The following AHNAK2 variants were observed in gnomAD, a reference collection of about 807,000 sequenced individuals.
The protein encoded by AHNAK2 is protein AHNAK2.
In AHNAK2, 18 loss-of-function variants were observed where a neutral mutation model predicts 30.7. The ratio of observed to expected loss-of-function variants is 0.59; its 90% CI spans 0.41 to 0.87. The LOEUF (loss-of-function observed/expected upper bound fraction) is 0.87. Among genes scored for constraint, AHNAK2 ranks in the 40% least tolerant of loss-of-function variants. The pLI, the probability that AHNAK2 is intolerant of heterozygous loss-of-function variation, is 0.00. For missense variants in AHNAK2, 8,604 were observed against 7,373.0 expected (o/e 1.17, Z -6.11); for synonymous variants, 3,590 against 3,073.8 (o/e 1.17, Z -5.56).
In AHNAK2 at chr14:104,946,973, C is replaced by G; in HGVS notation, c.8478G>C (p.Ser2826=). The G allele has an allele frequency of 6.2e-7, 1 of 1,607,464 alleles. No individual in the cohort carries two copies. The highest frequency in any genetic ancestry group is 8.5e-7 in the Non-Finnish European group (1 of 1,177,694). ...PKFKMPSFGV[S]APGKSIEASV... ...AGGCCTCGATGGACTTGCCTGGGGC[C>G]GACACCCCGAATGACGGCATCTTGA... Residue 2826 remains serine (S), a synonymous_variant, in exon 7 of 7, where the codon TCG becomes TCC. Coordinates refer to ENST00000333244, the MANE Select transcript of AHNAK2 (RefSeq NM_138420.4).
rs781724920 is a variant in AHNAK2 at position 104,941,743 on chromosome 14, C to T, written c.13708G>A (p.Gly4570Ser). The change falls in exon 7 of 7, where the codon GGC (glycine) becomes AGC (serine). Residue 4570 changes from glycine (G) to serine (S), a missense_variant. Gly to Ser is a moderately conservative substitution (Grantham distance 56). Coordinates refer to ENST00000333244, the MANE Select transcript of AHNAK2 (RefSeq NM_138420.4). Reference protein sequence around the residue: ...DLKGPQVDVKGPKLDLKGPKA... With the variant: ...DLKGPQVDVKSPKLDLKGPKA... ...GGGCCTTTCAGGTCCAGCTTGGGGC[C>T]CTTGACGTCCACCTGGGGGCCCTTG... is the stretch of plus-strand genomic sequence containing the variant. 71 of 1,613,642 alleles carry T rather than the reference C, an allele frequency of 4.4e-5. No individual in the cohort carries two copies. The highest frequency in any genetic ancestry group is 5.8e-5 in the Non-Finnish European group (68 of 1,179,866).
chr14:104,961,331 A>G (rs186344496), intron 1 of AHNAK2, among the ~76,000 whole-genome samples: 3,153 of 152,012 alleles, frequency 0.021, 41 homozygotes, highest in Middle Eastern at 0.045. Flanking sequence ...TGGCTAACAC[A>G]GTGAAACCCC....
In AHNAK2 at chr14:104,951,264, A is replaced by T; in HGVS notation, c.4187T>A (p.Leu1396His). 1 of 1,059,984 alleles carries T rather than the reference A, an allele frequency of 9.4e-7. No homozygotes were observed. Among genetic ancestry groups the T allele is most frequent in the Admixed American group, 2.2e-5 (1 of 46,424 alleles). 65.7% of individuals were successfully genotyped at this position (1,059,984 alleles called of 1,614,324 possible). A position where few individuals can be genotyped will look rare whatever the true frequency, so the allele number is the denominator to read the frequency against. The part of the protein sequence containing the change: ...ELQAGQLDVK[L>H]PEGPVPEGAG... ...TCCCTCGGGCACGGGGCCCTCTGGGAGTTTCACGTCCAATTGGCCAGCCTG... is the reference window on the plus strand; with the variant it reads ...TCCCTCGGGCACGGGGCCCTCTGGGTGTTTCACGTCCAATTGGCCAGCCTG... The change falls in exon 7 of 7, where the codon CTC becomes CAC. Residue 1396 changes from leucine (L) to histidine (H), a missense_variant. Physicochemically the swap from Leu to His is moderately conservative, Grantham distance 99. Coordinates refer to ENST00000333244, the MANE Select transcript of AHNAK2 (RefSeq NM_138420.4).
At chr14:104,970,460 G>A in intron 1 of AHNAK2, 1 of 985,484 alleles carries the variant, frequency 1.0e-6, no homozygotes, top group Non-Finnish European at 1.2e-6. Context: ...ACTTACCAAG[G>A]AAGCTACAGA....
Position 104,940,706 on chromosome 14 carries a change from G to A in AHNAK2, c.14745C>T (p.Gly4915=), listed in dbSNP as rs546249437. The change falls in exon 7 of 7, where the codon GGC becomes GGT. Residue 4915 remains glycine, a synonymous_variant. Coordinates refer to ENST00000333244, the MANE Select transcript of AHNAK2 (RefSeq NM_138420.4). The surrounding 1 kb of genome is among the most constrained non-coding windows in gnomAD (Gnocchi z 4.4). ...CTTCTGGGCCCTGAGACACACAGGTGCCTGGGGATGGCAGCTGGGTGCTTG... is the reference window on the plus strand; with the variant it reads ...CTTCTGGGCCCTGAGACACACAGGTACCTGGGGATGGCAGCTGGGTGCTTG... ...PLPSTQLPSP[G]TCVSQGPEEL... The A allele has an allele frequency of 6.2e-7, 1 of 1,613,040 alleles. No homozygotes were observed. Among genetic ancestry groups the A allele is most frequent in the South Asian group, 1.1e-5 (1 of 91,076 alleles).
chr14:104,955,328 T>C (rs1898939492), intron 5 of AHNAK2, 155 bp downstream of exon 5: 3 of 1,302,330 alleles, frequency 2.3e-6, no homozygotes, highest in South Asian at 3.0e-5. Context: ...TTTTACTAGA[T>C]GCAGTGGGTG....
Position 104,945,008 on chromosome 14 carries a change from G to T in AHNAK2, c.10443C>A (p.Pro3481=), listed in dbSNP as rs147845524. ...TGCCTGGGGCCGACACCCCGAAGGA[G>T]GGCATCTTGAACTTGGGCATTTTGA... The part of the protein sequence containing the change: ...SKFKMPKFKM[P]SFGVSAPGRS... Residue 3481 remains proline (P), a synonymous_variant, in exon 7 of 7, where the codon CCC becomes CCA. Coordinates refer to ENST00000333244, the MANE Select transcript of AHNAK2 (RefSeq NM_138420.4). 2,447 of 1,600,236 alleles carry T rather than the reference G, an allele frequency of 1.5e-3. 10 individuals are homozygous for T. The highest frequency in any genetic ancestry group is 9.7e-3 in the African/African-American group (707 of 73,090).
chr14:104,951,301 C>A lies in AHNAK2; in HGVS notation c.4150G>T (p.Asp1384Tyr), dbSNP rs1397134321. 1 of 1,061,586 alleles carries A rather than the reference C, an allele frequency of 9.4e-7. No individual in the cohort carries two copies. The highest frequency in any genetic ancestry group is 1.4e-5 in the African/African-American group (1 of 68,990). 65.8% of individuals were successfully genotyped at this position (1,061,586 alleles called of 1,614,324 possible). The change falls in exon 7 of 7, where the codon GAC becomes TAC. Residue 1384 changes from aspartate (D) to tyrosine (Y), a missense_variant. Coordinates refer to ENST00000333244, the MANE Select transcript of AHNAK2 (RefSeq NM_138420.4). ...AATTGGCCAGCCTGGAGCTCCAGGT[C>A]AGTGGAAGGGGGCTGAATGCTGAGG... ...TDLSIQPPST[D>Y]LELQAGQLDV...
chr14:104,942,996 A>G lies in AHNAK2; in HGVS notation c.12455T>C (p.Met4152Thr), dbSNP rs757406405. ...SFGVSAPGKS[M>T]EASVDVSELK... ...CTCAGACACATCCACGGACGCCTCC[A>G]TGGACTTGCCTGGGGCCGACACCCC... Residue 4152 changes from methionine (M) to threonine (T), a missense_variant, in exon 7 of 7, where the codon ATG becomes ACG. Met to Thr is a moderately conservative substitution (Grantham distance 81). Coordinates refer to ENST00000333244, the MANE Select transcript of AHNAK2 (RefSeq NM_138420.4). 5.0e-6 allele frequency: 8 copies of G among 1,613,230 alleles called. No homozygotes were observed. In the East Asian group the frequency reaches 1.1e-4, roughly 23 times the overall value.
chr14:104,968,404 C>T (rs949724855), intron 1 of AHNAK2, among the ~76,000 whole-genome samples: 1 of 151,930 alleles, frequency 6.6e-6, no homozygotes, highest in African/African-American at 2.4e-5. Context: ...GGCCGGGAGG[C>T]GGGGAGGGGC....
chr14:104,948,790 G>A lies in AHNAK2; in HGVS notation c.6661C>T (p.Leu2221Phe), dbSNP rs780147609. The A allele has an allele frequency of 2.5e-6, 4 of 1,612,466 alleles. No individual in the cohort carries two copies. In the Admixed American group the frequency reaches 5.0e-5, roughly 20 times the overall value. ...TCCTCGGGCACAGGGCCCTCCAGGAGTTTCACGTCCACCTGGCCAGCCTGG... is the reference window on the plus strand; with the variant it reads ...TCCTCGGGCACAGGGCCCTCCAGGAATTTCACGTCCACCTGGCCAGCCTGG... ...KVQAGQVDVK[L>F]LEGPVPEEVG... Residue 2221 changes from leucine (L) to phenylalanine (F), a missense_variant, in exon 7 of 7, where the codon CTC becomes TTC. Coordinates refer to ENST00000333244, the MANE Select transcript of AHNAK2 (RefSeq NM_138420.4).
intron 1 of AHNAK2, among the ~76,000 whole-genome samples, chr14:104,968,565 G>A (rs1004212644): frequency 6.6e-6 from 1 of 152,218 alleles, no homozygotes; most frequent in African/African-American, 2.4e-5. Flanking sequence ...GTGGGGGGAG[G>A]AGGTGGATTT....
At chr14:104,977,252 G>A (rs1267634034) in intron 1 of AHNAK2, among the ~76,000 whole-genome samples, 1 of 152,218 alleles carries the variant, frequency 6.6e-6, no homozygotes, top group Non-Finnish European at 1.5e-5. Context: ...GCCAGTGGCT[G>A]CCAATGCCCT....
chr14:104,946,780 C>T lies in AHNAK2; in HGVS notation c.8671G>A (p.Gly2891Ser), dbSNP rs768414986. The change falls in exon 7 of 7, where the codon GGC becomes AGC. Residue 2891 changes from glycine (G) to serine (S), a missense_variant. Coordinates refer to ENST00000333244, the MANE Select transcript of AHNAK2 (RefSeq NM_138420.4). Reference protein sequence around the residue: ...LPEGHVPEGAGLKGHLPKVQM... With the variant: ...LPEGHVPEGASLKGHLPKVQM... ...ACCTTGGGCAGGTGCCCTTTGAGGC[C>T]GGCTCCCTCGGGAACGTGGCCCTCT... is the stretch of plus-strand genomic sequence containing the variant. 5.6e-6 allele frequency: 9 copies of T among 1,612,774 alleles called. No individual in the cohort carries two copies. Among genetic ancestry groups the T allele is most frequent in the Admixed American group, 5.0e-5 (3 of 59,930 alleles).
Position 104,938,555 on chromosome 14 carries a change from A to G in AHNAK2, c.16896T>C (p.Ala5632=), listed in dbSNP as rs755636430. 31 of 1,613,214 alleles carry G rather than the reference A, an allele frequency of 1.9e-5. No homozygotes were observed. The highest frequency in any genetic ancestry group is 2.5e-5 in the Non-Finnish European group (30 of 1,179,776). The change falls in exon 7 of 7, where the codon GCT becomes GCC. Residue 5632 remains alanine, a synonymous_variant. Transcript: ENST00000333244. ...ATTPLADEGR[A]PKDKPESKKS... ...TTTTACTTTCTGGTTTGTCTTTTGG[A>G]GCCCTGCCTTCATCTGCCAGTGGTG...
Position 104,950,212 on chromosome 14 carries a change from G to T in AHNAK2, c.5239C>A (p.Pro1747Thr). The T allele has an allele frequency of 6.3e-7, 1 of 1,585,794 alleles. No individual in the cohort carries two copies. Among genetic ancestry groups the T allele is most frequent in the Non-Finnish European group, 8.6e-7 (1 of 1,162,754 alleles). ...GCCACTTTGGGCATCTTCAAACTGG[G>T]CATCTGCACCTTGGGGAGGTGCCCT... Reference protein sequence around the residue: ...FKGHLPKVQMPSLKMPKVALK... With the variant: ...FKGHLPKVQMTSLKMPKVALK... The change falls in exon 7 of 7, where the codon CCC (proline) becomes ACC (threonine). Residue 1747 changes from proline (P) to threonine (T), a missense_variant. Physicochemically the swap from Pro to Thr is conservative, Grantham distance 38. Transcript: ENST00000333244.
Position 104,947,252 on chromosome 14 carries a change from C to T in AHNAK2, c.8199G>A (p.Lys2733=), listed in dbSNP as rs573895492. ...EGAGLKGHLP[K]LQMPSFKMPE... ...GCATCTTGAAACTGGGCATCTGCAG[C>T]TTGGGCAGGTGCCCTTTGAGGCCGG... The change falls in exon 7 of 7, where the codon AAG becomes AAA. Residue 2733 remains lysine, a synonymous_variant. Coordinates refer to ENST00000333244, the MANE Select transcript of AHNAK2 (RefSeq NM_138420.4). 14 of 1,611,812 alleles carry T rather than the reference C, an allele frequency of 8.7e-6. No individual in the cohort carries two copies. The highest frequency in any genetic ancestry group is 6.6e-5 in the South Asian group (6 of 91,006).
Position 104,946,803 on chromosome 14 carries a change from T to A in AHNAK2, c.8648A>T (p.Glu2883Val). 6.2e-7 allele frequency: 1 copy of A among 1,612,522 alleles called. No homozygotes were observed. Among genetic ancestry groups the A allele is most frequent in the African/African-American group, 1.3e-5 (1 of 74,566 alleles). The change falls in exon 7 of 7, where the codon GAG becomes GTG. Residue 2883 changes from glutamate (E) to valine (V), a missense_variant. Transcript: ENST00000333244. ...GCCGGCTCCCTCGGGAACGTGGCCC[T>A]CTGGGAGTTTCACGTCCACCTGGCC... Reference protein sequence around the residue: ...QAGQVDVKLPEGHVPEGAGLK... With the variant: ...QAGQVDVKLPVGHVPEGAGLK...
Position 104,943,613 on chromosome 14 carries a change from A to C in AHNAK2, c.11838T>G (p.Asp3946Glu). 5.0e-6 allele frequency: 8 copies of C among 1,612,682 alleles called. No homozygotes were observed. Among genetic ancestry groups the C allele is most frequent in the Non-Finnish European group, 6.8e-6 (8 of 1,179,604 alleles). ...ACAGGTCCCCCTCCAGCCGCGCACC[A>C]TCCAGCTTGGCTCCTGGGGCCTCGA... ...VDVEAPGAKLDGARLEGDLSL... is the reference protein window; with the variant it reads ...VDVEAPGAKLEGARLEGDLSL... The change falls in exon 7 of 7, where the codon GAT (aspartate) becomes GAG (glutamate). Residue 3946 changes from aspartate to glutamate, a missense_variant. Physicochemically the swap from Asp to Glu is conservative, Grantham distance 45. Transcript: ENST00000333244.
Sources: allele counts gnomAD v4.1 joint callset (sites outside exome capture counted in the v4.1 genomes callset), GRCh38; gene constraint gnomAD v4.1.1; non-coding constraint Gnocchi (gnomAD v3.1); transcripts MANE v1.5; gene names NCBI Gene and HGNC (gene_info 2026-07-23, HGNC 2026-07-21).